COL6A6: variants seen among roughly 807,000 people sequenced by gnomAD.
COL6A6 encodes the protein collagen type VI alpha 6 chain, also known as collagen alpha-6(VI) chain.
In COL6A6, 183 loss-of-function variants were observed where a neutral mutation model predicts 208.6. The observed-to-expected ratio is 0.88, with a 90% CI of 0.78 to 0.99. The LOEUF is 0.99. Ranked by LOEUF, COL6A6 falls within the 50% of genes least tolerant of loss-of-function variation. The pLI is 0.00. For synonymous variants in COL6A6, 973 were observed against 1,011.8 expected, an observed-to-expected ratio of 0.96 and a Z score of 0.73; for missense variants, 2,816 against 2,815.2, an observed-to-expected ratio of 1.00 and a Z score of -0.01.
intron 10 of COL6A6, among the ~76,000 whole-genome samples, chr3:130,584,865 C>T (rs548072482): frequency 3.3e-5 from 5 of 152,232 alleles, no homozygotes; most frequent in Admixed American, 1.3e-4. Flanking sequence ...CCGCCTGCCT[C>T]GGCCTCCCAG....
At chr3:130,618,554 A>G (rs7611379) in intron 23 of COL6A6, among the ~76,000 whole-genome samples, 58,182 of 152,076 alleles carry the variant, frequency 0.38, 14,661 homozygotes, top group African/African-American at 0.7. Context: ...TATCTTTCTG[A>G]GGGTGACAAT....
intron 1 of COL6A6, among the ~76,000 whole-genome samples, chr3:130,537,076 A>G (rs923616382): frequency 1.3e-5 from 2 of 152,234 alleles, no homozygotes; most frequent in African/African-American, 4.8e-5. Context: ...TAGTGGTACC[A>G]CTTACTGAGA....
intron 13 of COL6A6, among the ~76,000 whole-genome samples, chr3:130,592,207 A>G (rs2063733475): frequency 1.3e-5 from 2 of 152,148 alleles, no homozygotes; most frequent in Admixed American, 1.3e-4. Context: ...GTTTATAGGT[A>G]AGTCTTGCAG....
intron 36 of COL6A6, 78 bp downstream of exon 36, chr3:130,665,174 GCTTT>G (rs1187313404): frequency 1.9e-5 from 17 of 912,010 alleles, no homozygotes; most frequent in Non-Finnish European, 2.3e-5. Flanking sequence ...TCCTTTTCTT[GCTTT>G]TCTTCCTCCT....
intron 36 of COL6A6, among the ~76,000 whole-genome samples, chr3:130,667,917 C>A: frequency 6.7e-6 from 1 of 149,812 alleles, no homozygotes; most frequent in Non-Finnish European, 1.5e-5. Context: ...ATTTTAAGGG[C>A]ACACATGAAA....
Position 130,593,087 on chromosome 3 carries a change from C to T in COL6A6, c.4398C>T (p.Asp1466=), listed in dbSNP as rs115656707. Residue 1466 remains aspartate, a synonymous_variant, in exon 16 of 37, where the codon GAC becomes GAT. Coordinates refer to ENST00000358511, the MANE Select transcript of COL6A6 (RefSeq NM_001102608.3). ...GAGAAGTTGGGGAAAATGGAATTGA[C>T]GGATTAAACGGAGAACAGGTAGAGC... ...QEGEVGENGI[D]GLNGEQGDNG... 1.5e-3 allele frequency: 2,363 copies of T among 1,613,374 alleles called. 31 individuals are homozygous for T. The African/African-American group carries it at 0.027, about 18-fold the overall frequency.
chr3:130,673,865 G>A lies in COL6A6; in HGVS notation c.6597-1337G>A, dbSNP rs564944109. Among the ~76,000 whole-genome samples, 6 of 152,240 alleles carry A rather than the reference G, an allele frequency of 3.9e-5. No homozygotes were observed. The South Asian group carries it at 1.2e-3, about 32-fold the overall frequency. ...CCAGCCATTCGGGAGGCTGAGGCAG[G>A]AAGATCACTTGAGCCCAGGAGATCT... On this transcript the variant is annotated intron_variant, in intron 36 of 36. Transcript: ENST00000358511.
In COL6A6 at chr3:130,581,769, C is replaced by T. The variant is rs765466055; in HGVS notation, c.3756C>T (p.Pro1252=). 24 of 1,613,704 alleles carry T rather than the reference C, an allele frequency of 1.5e-5. No homozygotes were observed. Among genetic ancestry groups the T allele is most frequent in the Non-Finnish European group, 1.8e-5 (21 of 1,179,758 alleles). ...QVTNAMEKYS[P]KFEIYSENIL... Reference sequence around the variant, plus strand: ...CCAATGCCATGGAAAAATATTCTCCCAAGTTTGAGATCTACAGTGAAAACA... The same window carrying T: ...CCAATGCCATGGAAAAATATTCTCCTAAGTTTGAGATCTACAGTGAAAACA... The change falls in exon 9 of 37, where the codon CCC becomes CCT. Residue 1252 remains proline, a synonymous_variant. Transcript: ENST00000358511.
At chr3:130,551,262 A>G (rs1485238923) in intron 1 of COL6A6, among the ~76,000 whole-genome samples, 2 of 152,128 alleles carry the variant, frequency 1.3e-5, no homozygotes, top group African/African-American at 4.8e-5. Flanking sequence ...TCTTCTTTAT[A>G]CAGCTGGTAG....
Position 130,644,993 on chromosome 3 carries a change from G to A in COL6A6, c.5230G>A (p.Gly1744Ser). 6.2e-7 allele frequency: 1 copy of A among 1,612,154 alleles called. No homozygotes were observed. Among genetic ancestry groups the A allele is most frequent in the Non-Finnish European group, 8.5e-7 (1 of 1,178,342 alleles). Residue 1744 changes from glycine to serine, a missense_variant and splice_region_variant, in exon 32 of 37, where the codon GGC (glycine) becomes AGC (serine). Transcript: ENST00000358511. ...LIQYVRDRSP[G>S]RHGKPECPVH... ...TCTCCTTTGTTCTTCTTCCCCAGCTGGCAGGCATGGTGAGTAATCTTTATT... is the reference window on the plus strand; with the variant it reads ...TCTCCTTTGTTCTTCTTCCCCAGCTAGCAGGCATGGTGAGTAATCTTTATT...
chr3:130,526,435 AGGAATT>A (rs754851194), intron 1 of COL6A6, among the ~76,000 whole-genome samples: 89 of 152,272 alleles, frequency 5.8e-4, no homozygotes, highest in Non-Finnish European at 1.2e-3. Context: ...ACTGGGTGTA[AGGAATT>A]GGAATTTAGC....
chr3:130,547,859 G>A (rs534172915), intron 1 of COL6A6, among the ~76,000 whole-genome samples: 1 of 152,304 alleles, frequency 6.6e-6, no homozygotes, highest in African/African-American at 2.4e-5. Context: ...GGGCAGCGGT[G>A]CCGTCTCGGC....
At chr3:130,660,100 G>A (rs2065900465) in intron 34 of COL6A6, among the ~76,000 whole-genome samples, 1 of 152,194 alleles carries the variant, frequency 6.6e-6, no homozygotes, top group Admixed American at 6.5e-5. Flanking sequence ...ATAGTCAGAA[G>A]TTGCACATGT....
intron 35 of COL6A6, among the ~76,000 whole-genome samples, chr3:130,663,358 G>T (rs2065986481): frequency 6.6e-6 from 1 of 152,110 alleles, no homozygotes; most frequent in South Asian, 2.1e-4. Context: ...ACCAGAATCT[G>T]CATATTATAA....
At chr3:130,613,757 A>G (rs539512943) in intron 23 of COL6A6, among the ~76,000 whole-genome samples, 1 of 151,648 alleles carries the variant, frequency 6.6e-6, no homozygotes, top group East Asian at 1.9e-4. Context: ...AGATATTTTT[A>G]TTTTTACATT....
intron 1 of COL6A6, among the ~76,000 whole-genome samples, chr3:130,555,318 A>G (rs1285197167): frequency 1.3e-5 from 2 of 152,132 alleles, no homozygotes; most frequent in African/African-American, 2.4e-5. Context: ...GGTGCCAGGA[A>G]CAAGACCTGG....
chr3:130,617,224 G>A (rs912556407), intron 23 of COL6A6, among the ~76,000 whole-genome samples: 1 of 152,018 alleles, frequency 6.6e-6, no homozygotes, highest in African/African-American at 2.4e-5. Flanking sequence ...CCCTATTCTA[G>A]GATACAAGGA....
At chr3:130,619,463 G>A (rs2108261277) in intron 23 of COL6A6, among the ~76,000 whole-genome samples, 1 of 152,354 alleles carries the variant, frequency 6.6e-6, no homozygotes, top group East Asian at 1.9e-4. Flanking sequence ...CACAGAAAAT[G>A]AGGCTGCAGA....
intron 1 of COL6A6, among the ~76,000 whole-genome samples, chr3:130,539,506 C>T (rs1196561562): frequency 2.0e-5 from 3 of 151,972 alleles, no homozygotes; most frequent in Non-Finnish European, 2.9e-5. Flanking sequence ...TGGTGGTGGG[C>T]GCCTATAGTC....
Sources: gnomAD v4.1 joint callset for allele counts (sites outside exome capture counted in the v4.1 genomes callset) on GRCh38, gnomAD v4.1.1 for gene constraint, MANE v1.5 for transcripts, NCBI Gene and HGNC (gene_info 2026-07-23, HGNC 2026-07-21) for gene names.